Variants in ZC3H12B observed in about 807,000 individuals in gnomAD.
The protein encoded by ZC3H12B is probable ribonuclease ZC3H12B.
ZC3H12B carries 7 observed loss-of-function variants against 43.9 expected under a neutral mutation model. The observed-to-expected ratio is 0.16, with a 90% CI of 0.09 to 0.30. ZC3H12B has a LOEUF of 0.30. Among genes scored for constraint, ZC3H12B ranks in the 10% least tolerant of loss-of-function variants. The pLI is 1.00. For missense variants in ZC3H12B, 475 were observed against 670.2 expected (o/e 0.71, Z 3.22); for synonymous variants, 222 against 241.7 (o/e 0.92, Z 0.76).
chrX:65,427,947 AG>A (rs1196488260), intron 3 of ZC3H12B, among the ~76,000 whole-genome samples: 4 of 111,838 alleles, frequency 3.6e-5, no homozygotes, highest in Non-Finnish European at 5.6e-5. Context: ...AGCTCTTGTA[AG>A]GCACATCTGC....
intron 2 of ZC3H12B, among the ~76,000 whole-genome samples, chrX:65,387,116 T>C (rs1335026815): frequency 8.9e-6 from 1 of 112,085 alleles, no homozygotes; most frequent in Non-Finnish European, 1.9e-5. Context: ...GAAGAATGTA[T>C]ATTCTGTTGA....
intron 3 of ZC3H12B, among the ~76,000 whole-genome samples, chrX:65,439,889 G>T (rs1338176765): frequency 9.1e-6 from 1 of 109,839 alleles, no homozygotes; most frequent in African/African-American, 3.3e-5. Flanking sequence ...GATCCTTCCG[G>T]AGTCTCTTCC....
At chrX:65,200,172 G>C in the ZC3H12B span, among the ~76,000 whole-genome samples, 5 of 111,070 alleles carry the variant, frequency 4.5e-5, no homozygotes, top group Non-Finnish European at 9.4e-5. Flanking sequence ...GTATCTCATT[G>C]TGGTTTTGAT....
chrX:65,048,065 C>G, the ZC3H12B span, among the ~76,000 whole-genome samples: 2 of 110,960 alleles, frequency 1.8e-5, no homozygotes, highest in Non-Finnish European at 1.9e-5. Context: ...ACTCATTGAA[C>G]AGCATCTCCA....
chrX:65,412,228 T>C (rs778006430), intron 3 of ZC3H12B, among the ~76,000 whole-genome samples: 7 of 112,024 alleles, frequency 6.2e-5, no homozygotes, highest in African/African-American at 9.7e-5. Flanking sequence ...TTCATGTATA[T>C]GGAATTATAC....
the ZC3H12B span, among the ~76,000 whole-genome samples, chrX:65,236,414 T>A: frequency 8.9e-6 from 1 of 112,095 alleles, no homozygotes; most frequent in Admixed American, 9.5e-5. Flanking sequence ...TTCTTTTATA[T>A]TTGTTTAAAT....
At chrX:65,144,521 G>T in the ZC3H12B span, among the ~76,000 whole-genome samples, 1 of 111,144 alleles carries the variant, frequency 9.0e-6, no homozygotes, top group Non-Finnish European at 1.9e-5. Context: ...TTTTGGGTTT[G>T]GTGTGTTCTT....
At chrX:65,472,662 G>A (rs2067933013) in intron 3 of ZC3H12B, among the ~76,000 whole-genome samples, 1 of 106,821 alleles carries the variant, frequency 9.4e-6, no homozygotes, top group Non-Finnish European at 1.9e-5. Context: ...TCCCATAACT[G>A]TTTATTGAAG....
chrX:65,117,349 A>G, the ZC3H12B span, among the ~76,000 whole-genome samples: 1 of 112,189 alleles, frequency 8.9e-6, no homozygotes, highest in African/African-American at 3.2e-5. Context: ...TTGGCTGCAT[A>G]AAGGTCTTCT....
the ZC3H12B span, among the ~76,000 whole-genome samples, chrX:65,053,150 T>C: frequency 1.3e-4 from 14 of 110,741 alleles, no homozygotes; most frequent in Non-Finnish European, 2.3e-4. Context: ...GGTACATGTG[T>C]ACAACCTGCA....
At chrX:65,372,751 A>G (rs1169016486) in intron 2 of ZC3H12B, among the ~76,000 whole-genome samples, 2 of 112,224 alleles carry the variant, frequency 1.8e-5, no homozygotes, top group Admixed American at 1.9e-4. Flanking sequence ...GGGGAAACTG[A>G]GGTTTGGAGA....
the ZC3H12B span, among the ~76,000 whole-genome samples, chrX:65,190,721 A>AT: frequency 9.2e-6 from 1 of 108,795 alleles, no homozygotes; most frequent in East Asian, 2.9e-4. Context: ...GGTTTTCTAG[A>AT]TATACAATCA....
In ZC3H12B at chrX:65,492,994, T is replaced by C. The variant is rs751850072; in HGVS notation, c.608+3585T>C. Among the ~76,000 whole-genome samples, 6 of 110,945 alleles carry C rather than the reference T, an allele frequency of 5.4e-5. No individual in the cohort carries two copies. In the South Asian group the frequency reaches 2.3e-3, roughly 43 times the overall value. On this transcript the variant is annotated intron_variant, in intron 1 of 4. Transcript: ENST00000338957. The stretch of plus-strand genomic sequence containing the variant: ...GGTTCATGCCCGTAGTCCCAGCTAC[T>C]TGGGGGGCTGAGGTGGGAGAATCGC...
At chrX:65,070,025 A>ATTT in the ZC3H12B span, among the ~76,000 whole-genome samples, 24 of 99,263 alleles carry the variant, frequency 2.4e-4, no homozygotes, top group African/African-American at 8.4e-4. Context: ...AGTGGTACAG[A>ATTT]TTTTTTTTTT....
At chrX:65,143,140 G>T in the ZC3H12B span, among the ~76,000 whole-genome samples, 1 of 111,483 alleles carries the variant, frequency 9.0e-6, no homozygotes, top group Non-Finnish European at 1.9e-5. Flanking sequence ...ATGAGCATGG[G>T]ATGTGTTTCT....
chrX:65,427,778 T>C (rs1352550261), intron 3 of ZC3H12B, among the ~76,000 whole-genome samples: 2 of 112,025 alleles, frequency 1.8e-5, no homozygotes, highest in African/African-American at 6.5e-5. Context: ...GAGGTTATTA[T>C]TGTTATATGG....
chrX:65,227,812 A>T, the ZC3H12B span, among the ~76,000 whole-genome samples: 1 of 111,034 alleles, frequency 9.0e-6, no homozygotes, highest in African/African-American at 3.3e-5. Flanking sequence ...CGACACATAC[A>T]CCCTCCCAAG....
At chrX:65,296,797 A>G in the ZC3H12B span, among the ~76,000 whole-genome samples, 3 of 111,518 alleles carry the variant, frequency 2.7e-5, no homozygotes, top group East Asian at 2.8e-4. Flanking sequence ...TATCAAAAAG[A>G]TAATCCACCA....
the ZC3H12B span, among the ~76,000 whole-genome samples, chrX:65,350,574 A>C: frequency 8.9e-6 from 1 of 112,073 alleles, no homozygotes; most frequent in Non-Finnish European, 1.9e-5. Flanking sequence ...ATATTGAGAA[A>C]ACTGCATCGT....
Sources: allele counts gnomAD v4.1 joint callset (sites outside exome capture counted in the v4.1 genomes callset), GRCh38; gene constraint gnomAD v4.1.1; transcripts MANE v1.5; gene names NCBI Gene and HGNC (gene_info 2026-07-23, HGNC 2026-07-21).